Variants in CHCHD10 observed in about 807,000 individuals in gnomAD.
CHCHD10 encodes the protein coiled-coil-helix-coiled-coil-helix domain containing 10.
In CHCHD10, 10 loss-of-function variants were observed where a neutral mutation model predicts 14.8. The ratio of observed to expected loss-of-function variants is 0.67; its 90% CI spans 0.42 to 1.14. CHCHD10 has a LOEUF of 1.14. Ranked by LOEUF, CHCHD10 falls within the 50% of genes most tolerant of loss-of-function variation. The pLI is 0.00. For synonymous variants in CHCHD10, 90 were observed against 85.2 expected (o/e 1.06, Z -0.31); for missense variants, 203 against 196.9 (o/e 1.03, Z -0.19).
In CHCHD10 at chr22:23,767,565, G is replaced by A. The variant is rs917149626; in HGVS notation, c.70C>T (p.Pro24Ser). ...GCTGCCGAGGGCGGTGGGTGCGCGG[G>A]CGGGTGGGCAGAGGGCGCGGCTGGG... ...SRPAAPSAHP[P>S]AHPPPSAAAP... The change falls in exon 2 of 4, where the codon CCC (proline) becomes TCC (serine). Residue 24 changes from proline (P) to serine (S), a missense_variant. Coordinates refer to ENST00000484558, the MANE Select transcript of CHCHD10 (RefSeq NM_213720.3). The A allele has an allele frequency of 3.6e-6, 5 of 1,370,700 alleles. No individual in the cohort carries two copies. The highest frequency in any genetic ancestry group is 3.8e-6 in the Non-Finnish European group (4 of 1,063,282). 84.9% of individuals were successfully genotyped at this position (1,370,700 alleles called of 1,614,324 possible). A position where few individuals can be genotyped will look rare whatever the true frequency, so the allele number is the denominator to read the frequency against.
chr22:23,767,752 C>G, intron 1 of CHCHD10, 82 bp downstream of exon 1: 2 of 1,253,142 alleles, frequency 1.6e-6, no homozygotes, highest in Non-Finnish European at 2.2e-6. Flanking sequence ...CAGCAGCAGC[C>G]AAGGTCACTC....
Position 23,767,239 on chromosome 22 carries a change from A to G in CHCHD10, c.261+135T>C, listed in dbSNP as rs73158728. ...ACAGTGAACTCAAGACCAGTGGACT[A>G]GGACCCTTCCCGGGCAGAGTCCTGG... On this transcript the variant is annotated intron_variant, in intron 2 of 3. Transcript: ENST00000484558. 1,922 of 733,340 alleles carry G rather than the reference A, an allele frequency of 2.6e-3. 5 individuals carry two copies. Among genetic ancestry groups the G allele is most frequent in the Non-Finnish European group, 3.2e-3 (1,379 of 430,254 alleles). 45.4% of individuals were successfully genotyped at this position (733,340 alleles called of 1,614,324 possible). A position where few individuals can be genotyped will look rare whatever the true frequency, so the allele number is the denominator to read the frequency against.
rs1927005328 is a variant in CHCHD10, at chr22:23,767,954, C to G, written c.-80G>C. 1 of 1,251,394 alleles carries G rather than the reference C, an allele frequency of 8.0e-7. No homozygotes were observed. The highest frequency in any genetic ancestry group is 1.6e-5 in the African/African-American group (1 of 63,144). 77.5% of individuals were successfully genotyped at this position (1,251,394 alleles called of 1,614,324 possible). On this transcript the variant is annotated 5_prime_UTR_variant, in exon 1 of 4. Coordinates refer to ENST00000484558, the MANE Select transcript of CHCHD10 (RefSeq NM_213720.3). ...CGGGGACAAATGCCGCAGCGCTTGT[C>G]ACAGCCGGCGCAAAAAAGGCGGGGC...
In CHCHD10 at chr22:23,766,269, T is replaced by TGGGGGGGGGGGGCGGGGGGGGG; in HGVS notation, c.267_268insCCCCCCCCCGCCCCCCCCCCCC (p.Thr90ProfsTer36). ...TGCAGGGGCTGGGGGGCAGCGGGGG[T>TGGGGGGGGGGGGCGGGGGGGGG]GGGGGCCTGGGGGTACAGTGCAAGA... On this transcript the variant is annotated frameshift_variant, in exon 3 of 4. Transcript: ENST00000484558. LOFTEE classifies it high-confidence loss of function. 2.7e-6 allele frequency: 2 copies of TGGGGGGGGGGGGCGGGGGGGGG among 747,114 alleles called. No individual in the cohort carries two copies. Among genetic ancestry groups the TGGGGGGGGGGGGCGGGGGGGGG allele is most frequent in the Non-Finnish European group, 1.9e-6 (1 of 520,700 alleles). 46.3% of individuals were successfully genotyped at this position (747,114 alleles called of 1,614,324 possible). A position where few individuals can be genotyped will look rare whatever the true frequency, so the allele number is the denominator to read the frequency against.
intron 2 of CHCHD10, chr22:23,766,513 C>T (rs534381646): frequency 1.0e-4 from 49 of 472,500 alleles, no homozygotes; most frequent in Middle Eastern, 5.7e-4. Flanking sequence ...AGTGCAGCGG[C>T]GCAGTCTCGG....
At chr22:23,767,265 G>GCCAC (rs1926907173) in intron 2 of CHCHD10, 109 bp downstream of exon 2, 2 of 936,626 alleles carry the variant, frequency 2.1e-6, no homozygotes, top group African/African-American at 3.3e-5. Context: ...AGAGTCCTGG[G>GCCAC]CTGAAGCAAT....
chr22:23,767,101 T>C (rs1926893139), intron 2 of CHCHD10, among the ~76,000 whole-genome samples: 1 of 152,118 alleles, frequency 6.6e-6, no homozygotes, highest in Admixed American at 6.5e-5. Context: ...TGGGCGAGTC[T>C]CTGAGCCCTC....
At chr22:23,766,521 C>T (rs1474923227) in intron 2 of CHCHD10, 8 of 439,004 alleles carry the variant, frequency 1.8e-5, no homozygotes, top group African/African-American at 8.3e-5. Flanking sequence ...GGCGCAGTCT[C>T]GGCTCACTGC....
Position 23,767,531 on chromosome 22 carries a change from G to GCTGGGGCGGCTGC in CHCHD10, c.91_103dup (p.Ala35GlyfsTer88). On this transcript the variant is annotated frameshift_variant, in exon 2 of 4. Coordinates refer to ENST00000484558, the MANE Select transcript of CHCHD10 (RefSeq NM_213720.3). LOFTEE classifies it high-confidence loss of function. ...CCCCGGCTGGCCCGAAGGGGCGGGG[G>GCTGGGGCGGCTGC]CTGGGGCGGCTGCCGAGGGCGGTGG... 1 of 1,455,558 alleles carries GCTGGGGCGGCTGC rather than the reference G, an allele frequency of 6.9e-7. No individual in the cohort carries two copies. The highest frequency in any genetic ancestry group is 2.9e-5 in the East Asian group (1 of 34,514). 90.2% of individuals were successfully genotyped at this position (1,455,558 alleles called of 1,614,324 possible).
At chr22:23,767,810 AC>A (rs763791958) in intron 1 of CHCHD10, 23 bp downstream of exon 1, 2 of 1,537,698 alleles carry the variant, frequency 1.3e-6, no homozygotes, top group Non-Finnish European at 1.8e-6. Flanking sequence ...CCCCCTCCCC[AC>A]AGGGCCCTTG....
rs933991502 is a variant in CHCHD10, at chr22:23,767,932, G to A, written c.-58C>T. On this transcript the variant is annotated 5_prime_UTR_variant, in exon 1 of 4. Transcript: ENST00000484558. ...GACGGCGGCAGCGGTGCTGTCGCGG[G>A]GACAAATGCCGCAGCGCTTGTCACA... 2 of 1,367,792 alleles carry A rather than the reference G, an allele frequency of 1.5e-6. No individual in the cohort carries two copies. The highest frequency in any genetic ancestry group is 3.1e-5 in the African/African-American group (2 of 65,456). The allele number at this position is 1,367,792 out of a possible 1,614,324, so 84.7% of individuals were successfully genotyped here.
intron 2 of CHCHD10, 122 bp downstream of exon 2, chr22:23,767,252 G>C (rs1447044020): frequency 2.4e-6 from 2 of 818,240 alleles, no homozygotes; most frequent in African/African-American, 1.7e-5. Context: ...ACCCTTCCCG[G>C]GCAGAGTCCT....
chr22:23,765,883 G>C lies in CHCHD10; in HGVS notation c.*124C>G. The C allele has an allele frequency of 6.4e-7, 1 of 1,564,002 alleles. No individual in the cohort carries two copies. Among genetic ancestry groups the C allele is most frequent in the South Asian group, 1.1e-5 (1 of 88,072 alleles). ...TGCACATTTGTGTCTTGGGTTATCTGTGGGGTGAGAAACCTCCTCACTTCC... is the reference window on the plus strand; with the variant it reads ...TGCACATTTGTGTCTTGGGTTATCTCTGGGGTGAGAAACCTCCTCACTTCC... On this transcript the variant is annotated 3_prime_UTR_variant, in exon 4 of 4. Coordinates refer to ENST00000484558, the MANE Select transcript of CHCHD10 (RefSeq NM_213720.3).
rs2145926622 is a variant in CHCHD10 at position 23,767,367 on chromosome 22, T to C, written c.261+7A>G. On this transcript the variant is annotated splice_region_variant and intron_variant, in intron 2 of 3. Transcript: ENST00000484558. ...CTGCCTCAGTTTCTCTTGGACTCGCTGCTCACCTGCTGGACAGCAGGCTGG... is the reference window on the plus strand; with the variant it reads ...CTGCCTCAGTTTCTCTTGGACTCGCCGCTCACCTGCTGGACAGCAGGCTGG... The C allele has an allele frequency of 6.2e-7, 1 of 1,607,668 alleles. No homozygotes were observed. Among genetic ancestry groups the C allele is most frequent in the Non-Finnish European group, 8.5e-7 (1 of 1,178,074 alleles).
rs1419450340 is a variant in CHCHD10, at chr22:23,766,289, G to A, written c.262-14C>T. ...GGGGGTGGGGGCCTGGGGGTACAGT[G>A]CAAGAGGCTGCAGGATCAGCTTGGA... On this transcript the variant is annotated splice_polypyrimidine_tract_variant and intron_variant, in intron 2 of 3. Coordinates refer to ENST00000484558, the MANE Select transcript of CHCHD10 (RefSeq NM_213720.3). 1.3e-6 allele frequency: 2 copies of A among 1,541,628 alleles called. No homozygotes were observed. The highest frequency in any genetic ancestry group is 1.2e-5 in the South Asian group (1 of 83,690).
rs751472303 is a variant in CHCHD10, at chr22:23,767,859, G to C, written c.16C>G (p.Arg6Gly). 28 of 1,518,090 alleles carry C rather than the reference G, an allele frequency of 1.8e-5. No individual in the cohort carries two copies. The highest frequency in any genetic ancestry group is 6.4e-5 in the Admixed American group (3 of 46,714). The allele number at this position is 1,518,090 out of a possible 1,614,324, so 94.0% of individuals were successfully genotyped here. MPRGS[R>G]SAASRPASRP... ...CTGGCTGGCCGGGAGGCCGCGCTGC[G>C]GCTTCCCCGAGGCATGGTGGCGGCG... The change falls in exon 1 of 4, where the codon CGC (arginine) becomes GGC (glycine). Residue 6 changes from arginine (R) to glycine (G), a missense_variant. By Grantham distance (125) the Arg-to-Gly change is moderately radical. Transcript: ENST00000484558.
chr22:23,767,701 G>T (rs889991693), intron 1 of CHCHD10, 108 bp from the exon 2 acceptor site: 3 of 887,604 alleles, frequency 3.4e-6, no homozygotes, highest in Non-Finnish European at 5.1e-6. Flanking sequence ...GTCTCCACAC[G>T]TGGGTGCTGC....
chr22:23,767,852 G>T lies in CHCHD10; in HGVS notation c.23C>A (p.Ala8Glu). The change falls in exon 1 of 4, where the codon GCG becomes GAG. Residue 8 changes from alanine (A) to glutamate (E), a missense_variant. Transcript: ENST00000484558. MPRGSRS[A>E]ASRPASRPAA... ...CTCACACCTGGCTGGCCGGGAGGCC[G>T]CGCTGCGGCTTCCCCGAGGCATGGT... The T allele has an allele frequency of 6.6e-7, 1 of 1,517,772 alleles. No homozygotes were observed. Among genetic ancestry groups the T allele is most frequent in the Non-Finnish European group, 8.8e-7 (1 of 1,133,248 alleles). 94.0% of individuals were successfully genotyped at this position (1,517,772 alleles called of 1,614,324 possible).
Position 23,765,993 on chromosome 22 carries a change from C to G in CHCHD10, c.*14G>C. 1 of 1,613,446 alleles carries G rather than the reference C, an allele frequency of 6.2e-7. No homozygotes were observed. The highest frequency in any genetic ancestry group is 8.5e-7 in the Non-Finnish European group (1 of 1,179,866). On this transcript the variant is annotated 3_prime_UTR_variant, in exon 4 of 4. Coordinates refer to ENST00000484558, the MANE Select transcript of CHCHD10 (RefSeq NM_213720.3). Reference sequence around the variant, plus strand: ...GTGGGTGCAGGACTGGCCCCCGAGTCTGCACCGACCTCTTCAGGGCAGGGA... The same window carrying G: ...GTGGGTGCAGGACTGGCCCCCGAGTGTGCACCGACCTCTTCAGGGCAGGGA...
Sources: gnomAD v4.1 joint callset for allele counts (sites outside exome capture counted in the v4.1 genomes callset) on GRCh38, gnomAD v4.1.1 for gene constraint, MANE v1.5 for transcripts, NCBI Gene and HGNC (gene_info 2026-07-23, HGNC 2026-07-21) for gene names.